The following EXOC3L2 variants were observed in gnomAD, a reference collection of about 807,000 sequenced individuals.
EXOC3L2 encodes the protein exocyst complex component 3-like protein 2.
A neutral mutation model predicts 44.4 loss-of-function variants in EXOC3L2; 17 were observed. That is an observed-to-expected ratio of 0.38 (90% CI 0.26 to 0.57). The LOEUF is 0.57. Ranked by LOEUF, EXOC3L2 falls within the 20% of genes least tolerant of loss-of-function variation. EXOC3L2 has a pLI of 0.65. For synonymous variants in EXOC3L2, 256 were observed against 253.7 expected (o/e 1.01, Z -0.09); for missense variants, 541 against 588.4 (o/e 0.92, Z 0.83).
intron 7 of EXOC3L2, among the ~76,000 whole-genome samples, chr19:45,227,004 C>T (rs560673261): frequency 2.0e-5 from 3 of 151,048 alleles, no homozygotes; most frequent in East Asian, 2.0e-4. Context: ...CTACCCGCCT[C>T]GGCCTCCCAA....
chr19:45,219,597 T>G (rs1356938202), intron 8 of EXOC3L2, among the ~76,000 whole-genome samples: 1 of 152,150 alleles, frequency 6.6e-6, no homozygotes, highest in African/African-American at 2.4e-5. Context: ...ATCCTCCTTT[T>G]TGAAAGTTGC....
chr19:45,225,209 TCA>T (rs1435918649), intron 7 of EXOC3L2, among the ~76,000 whole-genome samples: 1 of 151,432 alleles, frequency 6.6e-6, no homozygotes, highest in Non-Finnish European at 1.5e-5. Context: ...TCTTCGGGTC[TCA>T]GTTTCTCTTG....
intron 7 of EXOC3L2, among the ~76,000 whole-genome samples, chr19:45,227,401 A>C (rs1345194628): frequency 6.6e-6 from 1 of 152,000 alleles, no homozygotes; most frequent in Non-Finnish European, 1.5e-5. Flanking sequence ...GATTACAGGC[A>C]TGAGCCACTG....
At chr19:45,216,033 GC>G (rs770197918) in intron 11 of EXOC3L2, 39 bp downstream of exon 11, 82 of 1,608,116 alleles carry the variant, frequency 5.1e-5, no homozygotes, top group Non-Finnish European at 6.3e-5. Context: ...GGAGACCTCG[GC>G]CAGGCACGGC....
chr19:45,218,158 T>TACCCCCCCCC, intron 9 of EXOC3L2, 39 bp downstream of exon 9: 2 of 1,034,906 alleles, frequency 1.9e-6, no homozygotes, highest in Non-Finnish European at 1.3e-6. Flanking sequence ...TCCCCTCTTT[T>TACCCCCCCCC]CCCCCACCCC....
intron 8 of EXOC3L2, among the ~76,000 whole-genome samples, chr19:45,222,489 C>G (rs1969908705): frequency 6.6e-6 from 1 of 152,174 alleles, no homozygotes; most frequent in Non-Finnish European, 1.5e-5. Flanking sequence ...GCATGAGCCA[C>G]CACGCACAGT....
At chr19:45,231,910 A>G (rs1460284435) in intron 3 of EXOC3L2, 36 bp from the exon 4 acceptor site, 1 of 1,477,670 alleles carries the variant, frequency 6.8e-7, no homozygotes, top group African/African-American at 1.4e-5. Flanking sequence ...AGGTCTGTGA[A>G]AAGTGGGGCT....
At chr19:45,218,082 C>G in intron 9 of EXOC3L2, 115 bp downstream of exon 9, 1 of 1,357,892 alleles carries the variant, frequency 7.4e-7, no homozygotes, top group Non-Finnish European at 9.7e-7. Flanking sequence ...TTTCCTCCAG[C>G]AGGAGCGTTC....
chr19:45,244,597 A>G (rs934828136), intron 1 of EXOC3L2, among the ~76,000 whole-genome samples: 2 of 151,930 alleles, frequency 1.3e-5, no homozygotes, highest in Admixed American at 6.6e-5. Context: ...TCAAGCCCCC[A>G]GCCTCTCAGG....
intron 4 of EXOC3L2, among the ~76,000 whole-genome samples, chr19:45,231,011 C>G (rs943098694): frequency 2.0e-5 from 3 of 151,844 alleles, no homozygotes; most frequent in Non-Finnish European, 4.4e-5. Flanking sequence ...ATCCCTTGAA[C>G]CCAGGAGTTC....
chr19:45,237,567 T>C (rs1939399437), intron 2 of EXOC3L2, among the ~76,000 whole-genome samples: 5 of 152,192 alleles, frequency 3.3e-5, no homozygotes, highest in Middle Eastern at 3.4e-3. Context: ...CGGATGTGTC[T>C]CAGATAGAGA....
At chr19:45,235,458 C>T (rs1479855549) in intron 2 of EXOC3L2, among the ~76,000 whole-genome samples, 1 of 151,392 alleles carries the variant, frequency 6.6e-6, no homozygotes, top group African/African-American at 2.4e-5. Context: ...TGGAGGCAGC[C>T]GGTGGGAGTA....
At chr19:45,224,366 C>T (rs1310418791) in intron 8 of EXOC3L2, among the ~76,000 whole-genome samples, 2 of 152,000 alleles carry the variant, frequency 1.3e-5, no homozygotes, top group Non-Finnish European at 2.9e-5. Flanking sequence ...GCTTGTGTTA[C>T]GGCCAGGAAC....
chr19:45,238,889 G>C lies in EXOC3L2; in HGVS notation c.157C>G (p.Arg53Gly). The C allele has an allele frequency of 7.5e-6, 3 of 399,232 alleles. No individual in the cohort carries two copies. The highest frequency in any genetic ancestry group is 8.8e-6 in the Non-Finnish European group (2 of 226,204). 24.7% of individuals were successfully genotyped at this position (399,232 alleles called of 1,614,324 possible). Reference protein sequence around the residue: ...LGSLPNGTSCRRRATLEKLAG... With the variant: ...LGSLPNGTSCGRRATLEKLAG... ...AGCTTCTCCAGGGTGGCGCGGCGGC[G>C]ACAAGATGTTCCATTGGGGAGGGAC... The change falls in exon 2 of 12, where the codon CGC becomes GGC. Residue 53 changes from arginine (R) to glycine (G), a missense_variant. Arg to Gly is a moderately radical substitution (Grantham distance 125). Transcript: ENST00000413988. This position sits in a 1 kb window ranked among gnomAD's most constrained non-coding sequence, Gnocchi z 5.5.
At chr19:45,233,355 A>G (rs1268328413) in intron 3 of EXOC3L2, among the ~76,000 whole-genome samples, 1 of 152,248 alleles carries the variant, frequency 6.6e-6, no homozygotes, top group African/African-American at 2.4e-5. Context: ...TGGTTGCACC[A>G]TACATTCTAA....
In EXOC3L2 at chr19:45,218,213, T is replaced by A. The variant is rs1394928435; in HGVS notation, c.1826A>T (p.Gln609Leu). 7.5e-7 allele frequency: 1 copy of A among 1,339,374 alleles called. No homozygotes were observed. Among genetic ancestry groups the A allele is most frequent in the East Asian group, 4.4e-5 (1 of 22,960 alleles). The allele number at this position is 1,339,374 out of a possible 1,614,324, so 83.0% of individuals were successfully genotyped here. Residue 609 changes from glutamine (Q) to leucine (L), a missense_variant, in exon 9 of 12, where the codon CAG becomes CTG. Coordinates refer to ENST00000413988, the MANE Select transcript of EXOC3L2 (RefSeq NM_001382422.1). Reference protein sequence around the residue: ...GAQALALRRMQDEPYQALVAE... With the variant: ...GAQALALRRMLDEPYQALVAE... Reference sequence around the variant, plus strand: ...CAGGTGCACCTGGTAAGGCTCGTCCTGCATTCTGCGCAGGGCCAGGGCCTG... The same window carrying A: ...CAGGTGCACCTGGTAAGGCTCGTCCAGCATTCTGCGCAGGGCCAGGGCCTG...
At position 45,230,936 on chromosome 19, in the gene EXOC3L2, T is replaced by A. The variant is rs184169354; in HGVS notation, c.1269+827A>T. On this transcript the variant is annotated intron_variant, in intron 4 of 11. Transcript: ENST00000413988. Reference sequence around the variant, plus strand: ...CCTGTCTCTGCAAATTTTTTTTTTTTAAATTATCCAGGCATGGTGGTGTGT... The same window carrying A: ...CCTGTCTCTGCAAATTTTTTTTTTTAAAATTATCCAGGCATGGTGGTGTGT... 8.6e-4 allele frequency among the ~76,000 whole-genome samples: 131 copies of A among 151,598 alleles called. 1 individual carries two copies. The East Asian group carries it at 0.013, about 15-fold the overall frequency.
chr19:45,229,039 C>G (rs346770), intron 4 of EXOC3L2, among the ~76,000 whole-genome samples: 411 of 151,750 alleles, frequency 2.7e-3, no homozygotes, highest in African/African-American at 8.6e-3. Context: ...CCACTGCACT[C>G]CAGCCTGGGC....
Position 45,218,293 on chromosome 19 carries a change from C to G in EXOC3L2, c.1746G>C (p.Arg582=). Residue 582 remains arginine (R), a synonymous_variant, in exon 9 of 12, where the codon CGG becomes CGC. Coordinates refer to ENST00000413988, the MANE Select transcript of EXOC3L2 (RefSeq NM_001382422.1). ...GGGCCTCCGGGCTGCTCAGCCACTT[C>G]CGGCGCATCAGCTTGTTGAAGTGTG... The part of the protein sequence containing the change: ...LQPHFNKLMR[R]KWLSSPEALD... The G allele has an allele frequency of 6.2e-7, 1 of 1,608,268 alleles. No individual in the cohort carries two copies.
Sources: gnomAD v4.1 joint callset for allele counts (sites outside exome capture counted in the v4.1 genomes callset) on GRCh38, gnomAD v4.1.1 for gene constraint, Gnocchi (gnomAD v3.1) non-coding constraint, MANE v1.5 for transcripts, NCBI Gene and HGNC (gene_info 2026-07-23, HGNC 2026-07-21) for gene names.